The following SEMA3A variants were observed in gnomAD, a reference collection of about 807,000 sequenced individuals.
The protein encoded by SEMA3A is semaphorin 3A.
In SEMA3A, 29 loss-of-function variants were observed where a neutral mutation model predicts 97.9. The observed-to-expected ratio is 0.30, with a 90% confidence interval of 0.22 to 0.40. The LOEUF (loss-of-function observed/expected upper bound fraction) is 0.40. SEMA3A is among the 10% of genes least tolerant of loss of function. The pLI is 1.00. For missense variants in SEMA3A, 763 were observed against 951.3 expected (o/e 0.80, Z 2.60); for synonymous variants, 321 against 323.7 (o/e 0.99, Z 0.09).
At chr7:84,050,195 A>G (rs1439535289) in intron 5 of SEMA3A, among the ~76,000 whole-genome samples, 3 of 152,094 alleles carry the variant, frequency 2.0e-5, no homozygotes, top group Non-Finnish European at 2.9e-5. Context: ...GTGTCTTTAT[A>G]GCAGCATGAT....
chr7:83,990,144 C>T (rs1002041516), intron 12 of SEMA3A, among the ~76,000 whole-genome samples: 112 of 151,404 alleles, frequency 7.4e-4, no homozygotes, highest in African/African-American at 1.7e-3. Context: ...TCATGTCCTT[C>T]GCCCACTTTT....
At chr7:84,199,425 T>G (rs1196039452), upstream of SEMA3A, among the ~76,000 whole-genome samples, 2 of 124,464 alleles carry the variant, frequency 1.6e-5, no homozygotes, top group Non-Finnish European at 3.8e-5. Context: ...TTTAAATGAG[T>G]TAGTTAATCT....
At chr7:84,435,586 G>A (rs949980986) in intron 1 of SEMA3A, among the ~76,000 whole-genome samples, 5 of 152,218 alleles carry the variant, frequency 3.3e-5, no homozygotes, top group African/African-American at 7.2e-5. Context: ...CCAGCCTGGC[G>A]ACAGAGAGAA....
chr7:84,279,730 T>C (rs73185126), intron 3 of SEMA3A, among the ~76,000 whole-genome samples: 22,608 of 152,128 alleles, frequency 0.15, 2,394 homozygotes, highest in African/African-American at 0.29. Context: ...TTTTCTAATA[T>C]GAAATAGTAG....
At chr7:84,035,656 T>TA (rs1302029556) in intron 6 of SEMA3A, among the ~76,000 whole-genome samples, 2 of 152,052 alleles carry the variant, frequency 1.3e-5, no homozygotes, top group Non-Finnish European at 2.9e-5. Flanking sequence ...GTGTGGCTTT[T>TA]AAAGTGCAGA....
intron 3 of SEMA3A, among the ~76,000 whole-genome samples, chr7:84,204,723 T>C (rs1318206665): frequency 6.6e-6 from 1 of 152,206 alleles, no homozygotes; most frequent in Non-Finnish European, 1.5e-5. Flanking sequence ...ACGCAGTAGG[T>C]TTGACCATGA....
intron 1 of SEMA3A, among the ~76,000 whole-genome samples, chr7:84,476,369 A>G (rs1266031836): frequency 6.6e-6 from 1 of 151,972 alleles, no homozygotes; most frequent in Non-Finnish European, 1.5e-5. Context: ...AAAAAAAAAA[A>G]AAAGAAAAGA....
rs1366278846 is a variant in SEMA3A at position 83,956,383 on chromosome 7, C to T, written c.*4988G>A. On this transcript the variant is annotated 3_prime_UTR_variant, in exon 17 of 17. Coordinates refer to ENST00000265362, the MANE Select transcript of SEMA3A (RefSeq NM_006080.3). ...GGGAGTGTCTGATGAAGTTAGCTTCCTCTAAATATTTATTTGTAGAATTCA... is the reference window on the plus strand; with the variant it reads ...GGGAGTGTCTGATGAAGTTAGCTTCTTCTAAATATTTATTTGTAGAATTCA... The T allele has an allele frequency of 6.6e-6, 1 of 152,118 alleles. No individual in the cohort carries two copies. Among genetic ancestry groups the T allele is most frequent in the African/African-American group, 2.4e-5 (1 of 41,430 alleles). 9.4% of individuals were successfully genotyped at this position (152,118 alleles called of 1,614,324 possible). A position where few individuals can be genotyped will look rare whatever the true frequency, so the allele number is the denominator to read the frequency against.
chr7:84,263,098 C>A (rs1270953992), intron 3 of SEMA3A, among the ~76,000 whole-genome samples: 1 of 152,170 alleles, frequency 6.6e-6, no homozygotes, highest in Non-Finnish European at 1.5e-5. Flanking sequence ...CCAAATGGGA[C>A]TTTTCCATTT....
At chr7:84,339,496 G>A (rs1046881629) in intron 2 of SEMA3A, among the ~76,000 whole-genome samples, 2 of 152,082 alleles carry the variant, frequency 1.3e-5, no homozygotes, top group Non-Finnish European at 2.9e-5. Flanking sequence ...GGAACGTGAG[G>A]GTTTGGCACT....
At chr7:84,108,910 G>GAAAAAAA (rs796700320) in intron 4 of SEMA3A, among the ~76,000 whole-genome samples, 2 of 121,894 alleles carry the variant, frequency 1.6e-5, no homozygotes, top group Admixed American at 9.0e-5. Context: ...ATACTCACAA[G>GAAAAAAA]AAAAAAAAAA....
chr7:83,971,321 A>G (rs528170416), intron 15 of SEMA3A, among the ~76,000 whole-genome samples: 7 of 152,176 alleles, frequency 4.6e-5, no homozygotes, highest in African/African-American at 9.6e-5. Context: ...AATCCCAGCT[A>G]CTTGGGAGGC....
intron 2 of SEMA3A, among the ~76,000 whole-genome samples, chr7:84,308,824 C>CCTT (rs146783665): frequency 6.9e-6 from 1 of 144,944 alleles, no homozygotes; most frequent in East Asian, 2.1e-4. Context: ...CTTTTTTTTT[C>CCTT]TTTTTTTTTT....
In SEMA3A at chr7:84,391,145, G is replaced by A. The variant is rs186595868; in HGVS notation, c.-245-19245C>T. Among the ~76,000 whole-genome samples the A allele has an allele frequency of 1.2e-4, 18 of 152,294 alleles. No homozygotes were observed. The East Asian group carries it at 3.5e-3, about 29-fold the overall frequency. On this transcript the variant is annotated intron_variant, in intron 1 of 3. Transcript: ENST00000424555. ...TCAGCCTTATTAGGAGGATTCAAGT[G>A]ACGTGAACTCCTCAGCACCTTTCAT...
chr7:84,106,240 T>A (rs931350379), intron 4 of SEMA3A, among the ~76,000 whole-genome samples: 1 of 152,164 alleles, frequency 6.6e-6, no homozygotes, highest in Non-Finnish European at 1.5e-5. Context: ...ATCTAAAAAA[T>A]TCTTATTGCA....
At chr7:84,289,895 T>C (rs1222893693) in intron 3 of SEMA3A, among the ~76,000 whole-genome samples, 1 of 152,158 alleles carries the variant, frequency 6.6e-6, no homozygotes, top group Non-Finnish European at 1.5e-5. Flanking sequence ...AAATGGTGTA[T>C]AAATTGTGGC....
At chr7:84,190,178 C>A (rs1797998613) in intron 1 of SEMA3A, among the ~76,000 whole-genome samples, 1 of 151,684 alleles carries the variant, frequency 6.6e-6, no homozygotes, top group African/African-American at 2.4e-5. Context: ...AAAGGTCAAT[C>A]TGGTTGTCAG....
At chr7:84,189,241 G>A (rs1797970183) in intron 1 of SEMA3A, among the ~76,000 whole-genome samples, 1 of 151,700 alleles carries the variant, frequency 6.6e-6, no homozygotes, top group South Asian at 2.1e-4. Flanking sequence ...TAACTTTGTA[G>A]CAATGAATTA....
intron 1 of SEMA3A, among the ~76,000 whole-genome samples, chr7:84,406,224 C>T (rs949465287): frequency 1.3e-5 from 2 of 152,092 alleles, no homozygotes; most frequent in Non-Finnish European, 2.9e-5. Context: ...GATATCACCA[C>T]CGATCCCACA....
Sources: gnomAD v4.1 joint callset for allele counts (sites outside exome capture counted in the v4.1 genomes callset) on GRCh38, gnomAD v4.1.1 for gene constraint, MANE v1.5 for transcripts, NCBI Gene and HGNC (gene_info 2026-07-23, HGNC 2026-07-21) for gene names.